GPR137: variants seen among roughly 807,000 people sequenced by gnomAD.
The protein encoded by GPR137 is integral membrane protein GPR137.
Under a neutral mutation model 38.9 loss-of-function variants are expected in GPR137, and 20 were observed. The observed-to-expected ratio is 0.51, with a 90% CI of 0.36 to 0.75. The LOEUF (loss-of-function observed/expected upper bound fraction) is 0.75, where lower values mean the gene tolerates loss of function less well. Ranked by LOEUF, GPR137 falls within the 30% of genes least tolerant of loss-of-function variation. The pLI is 0.00. For synonymous variants in GPR137, 226 were observed against 235.8 expected (o/e 0.96, Z 0.38); for missense variants, 456 against 526.4 (o/e 0.87, Z 1.31).
chr11:64,277,422 T>C (rs899101572), intron 2 of GPR137, among the ~76,000 whole-genome samples: 2 of 152,220 alleles, frequency 1.3e-5, no homozygotes, highest in African/African-American at 4.8e-5. Context: ...TACTCTAAAG[T>C]TGGCAAATGT....
upstream of GPR137, chr11:64,271,640 C>A: frequency 6.7e-7 from 1 of 1,503,698 alleles, no homozygotes; most frequent in South Asian, 1.3e-5. Flanking sequence ...ACTCGTCACT[C>A]ATCCTCCGGA....
chr11:64,285,468 C>T (rs966002727), upstream of GPR137: 24 of 984,532 alleles, frequency 2.4e-5, no homozygotes, highest in African/African-American at 2.3e-4. Flanking sequence ...GGGGCGGGGC[C>T]CGGGGGCCAT....
At chr11:64,271,950 C>T, upstream of GPR137, 1 of 535,710 alleles carries the variant, frequency 1.9e-6, no homozygotes, top group Non-Finnish European at 2.9e-6. Flanking sequence ...AGCCCCAGTC[C>T]CTTGTATGTG....
chr11:64,273,265 C>T (rs1295750057), upstream of GPR137, among the ~76,000 whole-genome samples: 1 of 151,960 alleles, frequency 6.6e-6, no homozygotes, highest in Admixed American at 6.6e-5. Flanking sequence ...CCCAGCCACT[C>T]AGGAGGCTGA....
Position 64,289,295 on chromosome 11 carries a change from GT to G in GPR137, c.*100del, listed in dbSNP as rs1226978653. 1 of 1,613,354 alleles carries G rather than the reference GT, an allele frequency of 6.2e-7. No individual in the cohort carries two copies. The highest frequency in any genetic ancestry group is 8.5e-7 in the Non-Finnish European group (1 of 1,179,846). On this transcript the variant is annotated 3_prime_UTR_variant, in exon 7 of 7. Transcript: ENST00000438980. ...CCGCTTCTTGCCCAGGATCCTGGGG[GT>G]CGTGGCTACCCCCTCCTCTGGCCGG...
In GPR137 at chr11:64,287,701, T is replaced by C; in HGVS notation, c.408-20T>C. ...GCTGAGGGCTGTTGAGGGCCCGCGC[T>C]GACTGTGCTGTGGCTGCAGGCTCGC... On this transcript the variant is annotated intron_variant, in intron 2 of 6. Coordinates refer to ENST00000438980, the MANE Select transcript of GPR137 (RefSeq NM_001170880.2). 1 of 1,602,130 alleles carries C rather than the reference T, an allele frequency of 6.2e-7. No individual in the cohort carries two copies. The highest frequency in any genetic ancestry group is 8.5e-7 in the Non-Finnish European group (1 of 1,179,748).
upstream of GPR137, among the ~76,000 whole-genome samples, chr11:64,270,977 C>CTG (rs74210965): frequency 1.0e-4 from 1 of 9,714 alleles, no homozygotes; most frequent in Non-Finnish European, 5.6e-4. Context: ...TGCCCTGTGA[C>CTG]ACACACACAC....
chr11:64,287,854 T>TC lies in GPR137; in HGVS notation c.544dup (p.Leu182ProfsTer24). 1 of 1,605,166 alleles carries TC rather than the reference T, an allele frequency of 6.2e-7. No homozygotes were observed. The highest frequency in any genetic ancestry group is 1.1e-5 in the South Asian group (1 of 91,072). On this transcript the variant is annotated frameshift_variant, in exon 3 of 7. Transcript: ENST00000438980. LOFTEE classifies it high-confidence loss of function. ...GCTTGTCCGCGTCCTGGTGAGCGAC[T>TC]CCCTGTTCGTCATCTGCGCGCTGTC...
chr11:64,270,679 C>T (rs1714158218), intron 1 of GPR137: 2 of 550,314 alleles, frequency 3.6e-6, no homozygotes, highest in Non-Finnish European at 6.9e-6. Flanking sequence ...CCTGTAATCC[C>T]AGCACTTTGG....
Position 64,285,900 on chromosome 11 carries a change from G to A in GPR137, c.-625G>A, listed in dbSNP as rs949027193. ...CCCCGGGTCCCCACGACCTGAGCCG[G>A]CTCTCCCATCAGCGGCCTGAGGACC... On this transcript the variant is annotated 5_prime_UTR_variant, in exon 1 of 7. Transcript: ENST00000438980. 2.3e-5 allele frequency: 22 copies of A among 972,712 alleles called. No individual in the cohort carries two copies. In the African/African-American group the frequency reaches 3.7e-4, roughly 16 times the overall value. The allele number at this position is 972,712 out of a possible 1,614,324, so 60.3% of individuals were successfully genotyped here. A position where few individuals can be genotyped will look rare whatever the true frequency, so the allele number is the denominator to read the frequency against.
At chr11:64,285,511 C>T (rs372518055), upstream of GPR137, 35 of 985,000 alleles carry the variant, frequency 3.6e-5, no homozygotes, top group Non-Finnish European at 4.2e-5. Flanking sequence ...CTTCAGAGAC[C>T]GAGGGACGGG....
At chr11:64,278,153 G>C (rs920464526) in intron 2 of GPR137, among the ~76,000 whole-genome samples, 1 of 152,048 alleles carries the variant, frequency 6.6e-6, no homozygotes, top group African/African-American at 2.4e-5. Context: ...AATTAGCCAG[G>C]CATGGTGGCG....
chr11:64,286,956 T>G lies in GPR137; in HGVS notation c.358-9T>G, dbSNP rs1309541698. On this transcript the variant is annotated splice_polypyrimidine_tract_variant and intron_variant, in intron 1 of 6. Transcript: ENST00000438980. ...GACCCACAGGAGTGAAGGGCATCTC[T>G]GCTCCTAGGTGGTGTTCAAGGCCAA... 3 of 1,613,940 alleles carry G rather than the reference T, an allele frequency of 1.9e-6. No homozygotes were observed. Among genetic ancestry groups the G allele is most frequent in the Non-Finnish European group, 2.5e-6 (3 of 1,180,004 alleles).
upstream of GPR137, chr11:64,284,449 ACCCCTGGCTTCCTCTCCCACCGTAGCGC>A: frequency 6.2e-7 from 1 of 1,600,756 alleles, no homozygotes; most frequent in Non-Finnish European, 8.5e-7. Flanking sequence ...AGAGGCAGGT[ACCCCTGGCTTCCTCTCCCACCGTAGCGC>A]CCCCAGGCCC....
At chr11:64,281,648 A>G (rs1267649950), upstream of GPR137, among the ~76,000 whole-genome samples, 2 of 152,174 alleles carry the variant, frequency 1.3e-5, no homozygotes, top group East Asian at 1.9e-4. Context: ...CCTTGGCTCC[A>G]GTGGTGCTTC....
chr11:64,280,332 A>AAATAAAAT (rs1555069779), upstream of GPR137, among the ~76,000 whole-genome samples: 2 of 123,504 alleles, frequency 1.6e-5, no homozygotes, highest in South Asian at 2.9e-4. Context: ...AAATAAAATA[A>AAATAAAAT]AATAATAATA....
At chr11:64,272,689 A>G (rs938720842), upstream of GPR137, 7 of 152,280 alleles carry the variant, frequency 4.6e-5, no homozygotes, top group African/African-American at 1.7e-4. Context: ...CTTAGGTGAG[A>G]AGACAGAAGC....
chr11:64,288,289 C>G lies in GPR137; in HGVS notation c.784-51C>G. On this transcript the variant is annotated intron_variant, in intron 4 of 6. Transcript: ENST00000438980. This position sits in a 1 kb window ranked among gnomAD's most constrained non-coding sequence, Gnocchi z 5.5. ...CCCAGCTGGCCTGGGCCCTGTCCCA[C>G]TACCCCTTTGGCGTGACTGCAGACT... 1 of 1,612,388 alleles carries G rather than the reference C, an allele frequency of 6.2e-7. No individual in the cohort carries two copies.
upstream of GPR137, among the ~76,000 whole-genome samples, chr11:64,274,401 A>AG (rs1036933258): frequency 1.3e-5 from 2 of 151,314 alleles, no homozygotes; most frequent in African/African-American, 4.9e-5. Context: ...AAAAAAAAAA[A>AG]AGCAAGTAGG....
Sources: gnomAD v4.1 joint callset for allele counts (sites outside exome capture counted in the v4.1 genomes callset) on GRCh38, gnomAD v4.1.1 for gene constraint, Gnocchi (gnomAD v3.1) non-coding constraint, MANE v1.5 for transcripts, NCBI Gene and HGNC (gene_info 2026-07-23, HGNC 2026-07-21) for gene names.